JAKMIP3: variants seen among roughly 807,000 people sequenced by gnomAD.
The protein encoded by JAKMIP3 is Janus kinase and microtubule interacting protein 3, also known as janus kinase and microtubule-interacting protein 3.
Under a neutral mutation model 118.5 loss-of-function variants are expected in JAKMIP3, and 58 were observed. The observed-to-expected ratio is 0.49, with a 90% CI of 0.40 to 0.61. The LOEUF (loss-of-function observed/expected upper bound fraction) is 0.61. Ranked by LOEUF, JAKMIP3 falls within the 20% of genes least tolerant of loss-of-function variation. The pLI is 0.00. For missense variants in JAKMIP3, 950 were observed against 1,109.0 expected, an observed-to-expected ratio of 0.86 and a Z score of 2.04; for synonymous variants, 486 against 451.2, an observed-to-expected ratio of 1.08 and a Z score of -0.98.
rs4009682 is a variant in JAKMIP3, at chr10:132,139,049, A to AGTGTGTGT, written c.1344+884_1344+891dup. 2.8e-3 allele frequency among the ~76,000 whole-genome samples: 424 copies of AGTGTGTGT among 150,178 alleles called. 1 individual carries two copies. Among genetic ancestry groups the AGTGTGTGT allele is most frequent in the East Asian group, 0.01 (51 of 5,066 alleles). ...CTAACTCATCTCCTGCTTTATGTTG[A>AGTGTGTGT]GTGTGTGTGTGTGTGTGTGTATGTG... On this transcript the variant is annotated intron_variant, in intron 9 of 23. Coordinates refer to ENST00000684848, the MANE Select transcript of JAKMIP3 (RefSeq NM_001323087.2).
At chr10:132,135,570 CCTT>C (rs1564940554) in intron 5 of JAKMIP3, among the ~76,000 whole-genome samples, 5 of 152,240 alleles carry the variant, frequency 3.3e-5, no homozygotes, top group Admixed American at 6.5e-5. Context: ...TTACCACAGC[CCTT>C]CTTGGCAAGA....
intron 1 of JAKMIP3, among the ~76,000 whole-genome samples, chr10:132,084,754 G>A (rs2042173324): frequency 6.6e-6 from 1 of 152,142 alleles, no homozygotes; most frequent in South Asian, 2.1e-4. Context: ...TCCCTTGTAT[G>A]CCAATCTTGC....
At chr10:132,055,271 C>A (rs1564852833) in intron 1 of JAKMIP3, among the ~76,000 whole-genome samples, 2 of 152,038 alleles carry the variant, frequency 1.3e-5, no homozygotes, top group Non-Finnish European at 2.9e-5. Context: ...CAAATAAACC[C>A]CAGAAAGACT....
chr10:132,180,300 C>T (rs2060619794), intron 23 of JAKMIP3, among the ~76,000 whole-genome samples: 1 of 151,956 alleles, frequency 6.6e-6, no homozygotes, highest in African/African-American at 2.4e-5. Context: ...TGAGGAGCCC[C>T]ATGGAGCCAC....
intron 1 of JAKMIP3, among the ~76,000 whole-genome samples, chr10:132,066,967 C>A (rs2038888675): frequency 6.6e-6 from 1 of 152,060 alleles, no homozygotes; most frequent in African/African-American, 2.4e-5. Context: ...TGTGGGAGAA[C>A]CAGTCACAAA....
At chr10:132,116,329 G>A (rs996458376) in intron 2 of JAKMIP3, among the ~76,000 whole-genome samples, 1 of 152,308 alleles carries the variant, frequency 6.6e-6, no homozygotes, top group Non-Finnish European at 1.5e-5. Flanking sequence ...AGATGTGTGA[G>A]TGTGTGCATC....
intron 1 of JAKMIP3, among the ~76,000 whole-genome samples, chr10:132,082,685 A>G (rs2041928448): frequency 6.6e-6 from 1 of 151,720 alleles, no homozygotes; most frequent in Non-Finnish European, 1.5e-5. Flanking sequence ...ATCTAGGCTC[A>G]CTGCAACCTC....
intron 16 of JAKMIP3, among the ~76,000 whole-genome samples, chr10:132,150,492 A>G (rs2055892673): frequency 6.6e-6 from 1 of 152,162 alleles, no homozygotes; most frequent in Non-Finnish European, 1.5e-5. Flanking sequence ...AGTGGGCAAA[A>G]TAATGCACCT....
rs2059242430 is a variant in JAKMIP3, at chr10:132,169,343, A to G, written c.*1103+310A>G. 3.3e-5 allele frequency among the ~76,000 whole-genome samples: 5 copies of G among 152,150 alleles called. No homozygotes were observed. In the South Asian group the frequency reaches 1.0e-3, roughly 32 times the overall value. On this transcript the variant is annotated intron_variant, in intron 23 of 23. Coordinates refer to ENST00000684848, the MANE Select transcript of JAKMIP3 (RefSeq NM_001323087.2). Reference sequence around the variant, plus strand: ...TTGCGGGAAAAGGGAGAAACCCCGTAGGTGCAATGAGGCCGCTCTCCGAGT... The same window carrying G: ...TTGCGGGAAAAGGGAGAAACCCCGTGGGTGCAATGAGGCCGCTCTCCGAGT...
chr10:132,091,863 G>A (rs11146163), intron 1 of JAKMIP3, among the ~76,000 whole-genome samples: 53,957 of 151,984 alleles, frequency 0.36, 10,014 homozygotes, highest in African/African-American at 0.47. Context: ...TTTCTTCCTA[G>A]CATCGATGGT....
At position 132,138,196 on chromosome 10, in the gene JAKMIP3, G is replaced by T; in HGVS notation, c.1344+18G>T. 6.2e-7 allele frequency: 1 copy of T among 1,601,634 alleles called. No individual in the cohort carries two copies. The highest frequency in any genetic ancestry group is 1.1e-5 in the South Asian group (1 of 89,222). ...TTCCCAAGGTAAGGAACAGCACACC[G>T]GCACGTGCGGAGAGTACGCCGGGTG... On this transcript the variant is annotated intron_variant, in intron 9 of 23. Coordinates refer to ENST00000684848, the MANE Select transcript of JAKMIP3 (RefSeq NM_001323087.2).
In JAKMIP3 at chr10:132,149,965, T is replaced by C. The variant is rs748478781; in HGVS notation, c.1948-17T>C. 5 of 1,271,574 alleles carry C rather than the reference T, an allele frequency of 3.9e-6. No homozygotes were observed. Among genetic ancestry groups the C allele is most frequent in the Non-Finnish European group, 3.1e-6 (3 of 958,376 alleles). The allele number at this position is 1,271,574 out of a possible 1,614,324, so 78.8% of individuals were successfully genotyped here. On this transcript the variant is annotated splice_polypyrimidine_tract_variant and intron_variant, in intron 15 of 23. Transcript: ENST00000684848. ...CACCCCGTGGCCACTCACCCCTACC[T>C]GTCCTCTGTGCCTTAGGACATTGTG...
Position 132,130,741 on chromosome 10 carries a change from G to A in JAKMIP3, c.634-2571G>A, listed in dbSNP as rs11595140. 1.2e-3 allele frequency among the ~76,000 whole-genome samples: 190 copies of A among 152,346 alleles called. 1 individual carries two copies. The highest frequency in any genetic ancestry group is 2.1e-3 in the Non-Finnish European group (140 of 68,040). ...GGTGATGACGTGGCCTGTGTAGTGA[G>A]CATGCTTCATGGCTGTGGCGAGACG... On this transcript the variant is annotated intron_variant, in intron 3 of 23. Coordinates refer to ENST00000684848, the MANE Select transcript of JAKMIP3 (RefSeq NM_001323087.2).
Position 132,164,844 on chromosome 10 carries a change from G to A in JAKMIP3, c.2490+109G>A, listed in dbSNP as rs371914125. ...CCAGGCCGTTGGGGCAGCAGACTTC[G>A]CTCCCAACAGCAGCGGGAAGCGGCC... On this transcript the variant is annotated intron_variant, in intron 21 of 23. Coordinates refer to ENST00000684848, the MANE Select transcript of JAKMIP3 (RefSeq NM_001323087.2). 1.5e-5 allele frequency: 11 copies of A among 747,506 alleles called. No homozygotes were observed. In the Middle Eastern group the frequency reaches 7.1e-4, roughly 48 times the overall value. 46.3% of individuals were successfully genotyped at this position (747,506 alleles called of 1,614,324 possible).
rs376161972 is a variant in JAKMIP3, at chr10:132,153,742, G to A, written c.2074-17G>A. 3 of 1,612,716 alleles carry A rather than the reference G, an allele frequency of 1.9e-6. No homozygotes were observed. Among genetic ancestry groups the A allele is most frequent in the Non-Finnish European group, 2.5e-6 (3 of 1,179,630 alleles). ...GACCCTAGGGGTCACTGTCCTGCTT[G>A]TTCTGTTTGTGTCCAGTGGCTCCAG... is the stretch of plus-strand genomic sequence containing the variant. On this transcript the variant is annotated splice_polypyrimidine_tract_variant and intron_variant, in intron 17 of 23. Coordinates refer to ENST00000684848, the MANE Select transcript of JAKMIP3 (RefSeq NM_001323087.2).
rs1279925975 is a variant in JAKMIP3 at position 132,082,888 on chromosome 10, G to A, written c.-138+16827G>A. Among the ~76,000 whole-genome samples the A allele has an allele frequency of 5.3e-5, 8 of 152,224 alleles. No individual in the cohort carries two copies. The East Asian group carries it at 5.8e-4, about 11-fold the overall frequency. ...CCGCCCAAAGTGCGGGAATACAGGC[G>A]TGAACCACCGCGCCCGGCCTATACC... On this transcript the variant is annotated intron_variant, in intron 1 of 23. Coordinates refer to ENST00000684848, the MANE Select transcript of JAKMIP3 (RefSeq NM_001323087.2).
rs2038022885 is a variant in JAKMIP3, at chr10:132,049,058, C to T, written c.-138+12320C>T. Among the ~76,000 whole-genome samples the T allele has an allele frequency of 6.6e-6, 1 of 152,100 alleles. No individual in the cohort carries two copies. The highest frequency in any genetic ancestry group is 1.5e-5 in the Non-Finnish European group (1 of 68,024). On this transcript the variant is annotated intron_variant, in intron 1 of 23. Coordinates refer to the JAKMIP3 transcript ENST00000657785. The surrounding 1 kb of genome is among the most constrained non-coding windows in gnomAD (Gnocchi z 4.3). ...CTCTGCATGTCCTGAAAGCCTGCTG[C>T]TGGTCCCGGCCGACTCCATCAAGTT...
In JAKMIP3 at chr10:132,049,668, TG is replaced by T. The variant is rs1234891690; in HGVS notation, c.-138+12935del. Among the ~76,000 whole-genome samples the T allele has an allele frequency of 6.6e-6, 1 of 152,056 alleles. No homozygotes were observed. Among genetic ancestry groups the T allele is most frequent in the East Asian group, 1.9e-4 (1 of 5,184 alleles). ...CCTTGTGTTTTTTCTTTTTTAAAAG[TG>T]GGGGAGGTCTCACTATGCTGCCCAG... On this transcript the variant is annotated intron_variant, in intron 1 of 23. Coordinates refer to the JAKMIP3 transcript ENST00000657785. This position sits in a 1 kb window ranked among gnomAD's most constrained non-coding sequence, Gnocchi z 4.3.
intron 6 of JAKMIP3, among the ~76,000 whole-genome samples, chr10:132,136,666 G>A (rs2051856149): frequency 6.6e-6 from 1 of 152,206 alleles, no homozygotes; most frequent in Non-Finnish European, 1.5e-5. Context: ...CTGAATTAGA[G>A]TCAGGAGGGA....
Sources: allele counts gnomAD v4.1 joint callset (sites outside exome capture counted in the v4.1 genomes callset), GRCh38; gene constraint gnomAD v4.1.1; non-coding constraint Gnocchi (gnomAD v3.1); transcripts MANE v1.5; gene names NCBI Gene and HGNC (gene_info 2026-07-23, HGNC 2026-07-21).